The following TTC5 variants were observed in gnomAD, a reference collection of about 807,000 sequenced individuals.
The protein encoded by TTC5 is tetratricopeptide repeat domain 5.
A neutral mutation model predicts 57.4 loss-of-function variants in TTC5; 46 were observed. The ratio of observed to expected loss-of-function variants is 0.80; its 90% CI spans 0.63 to 1.03. The LOEUF is 1.03. Among genes scored for constraint, TTC5 ranks in the 50% least tolerant of loss-of-function variants. TTC5 has a pLI of 0.00. For synonymous variants in TTC5, 190 were observed against 203.5 expected (o/e 0.93, Z 0.57); for missense variants, 504 against 528.1 (o/e 0.95, Z 0.45).
intron 4 of TTC5, 59 bp from the exon 5 acceptor site, chr14:20,298,947 T>C: frequency 2.3e-6 from 3 of 1,301,904 alleles, no homozygotes; most frequent in Non-Finnish European, 3.3e-6. Flanking sequence ...TATGACTTAT[T>C]TTGATCATTC....
At position 20,301,877 on chromosome 14, in the gene TTC5, T is replaced by C. The variant is rs3742945; in HGVS notation, c.140A>G (p.Gln47Arg). The change falls in exon 2 of 10, where the codon CAG becomes CGG. Residue 47 changes from glutamine to arginine, a missense_variant. Coordinates refer to ENST00000258821, the MANE Select transcript of TTC5 (RefSeq NM_138376.3). ...CTGTAGGGTTTTCTCCATCTCCTTC[T>C]GCACATCCTGTTGCTTCCTCCCAGC... ...EDAGRKQQDV[Q>R]KEMEKTLQQM... The C allele has an allele frequency of 0.74, 1,187,734 of 1,613,660 alleles. 438,449 individuals are homozygous for C. Among genetic ancestry groups the C allele is most frequent in the Admixed American group, 0.83 (49,555 of 60,006 alleles).
intron 8 of TTC5, chr14:20,294,017 A>G (rs1052344887): frequency 2.6e-5 from 4 of 152,230 alleles, no homozygotes; most frequent in Admixed American, 1.3e-4. Flanking sequence ...ATCACAGGGC[A>G]AGATGATCTA....
rs1032594738 is a variant in TTC5, at chr14:20,301,821, T to C, written c.184+12A>G. On this transcript the variant is annotated intron_variant, in intron 2 of 9. Transcript: ENST00000258821. Reference sequence around the variant, plus strand: ...TGAAGGATGGGGGTTGTACAATCTCTAGGGCTCATACCCACTACTTCTTCC... The same window carrying C: ...TGAAGGATGGGGGTTGTACAATCTCCAGGGCTCATACCCACTACTTCTTCC... 2.5e-6 allele frequency: 4 copies of C among 1,613,674 alleles called. No individual in the cohort carries two copies. The African/African-American group carries it at 4.0e-5, about 16-fold the overall frequency.
At position 20,298,814 on chromosome 14, in the gene TTC5, T is replaced by A; in HGVS notation, c.622A>T (p.Ser208Cys). The change falls in exon 5 of 10, where the codon AGT (serine) becomes TGT (cysteine). Residue 208 changes from serine (S) to cysteine (C), a missense_variant. Ser to Cys is a moderately radical substitution (Grantham distance 112). Transcript: ENST00000258821. Reference protein sequence around the residue: ...QNPKISQQALSAYAQAEKVDR... With the variant: ...QNPKISQQALCAYAQAEKVDR... ...GTACTTACTGCTTGGGCATAGGCAC[T>A]GAGGGCTTGCTGGGAGATCTTAGGG... is the stretch of plus-strand genomic sequence containing the variant. 1.9e-6 allele frequency: 3 copies of A among 1,613,816 alleles called. No individual in the cohort carries two copies. The highest frequency in any genetic ancestry group is 2.5e-6 in the Non-Finnish European group (3 of 1,179,680).
intron 8 of TTC5, chr14:20,295,065 T>C: frequency 2.0e-6 from 1 of 494,940 alleles, no homozygotes; most frequent in Non-Finnish European, 3.7e-6. Context: ...CAACTATGGA[T>C]ATAGGAATCC....
At chr14:20,300,939 A>G in intron 2 of TTC5, 121 bp from the exon 3 acceptor site, 1 of 769,392 alleles carries the variant, frequency 1.3e-6, no homozygotes, top group Non-Finnish European at 2.1e-6. Context: ...AATATTTATC[A>G]ATAAACCATT....
Position 20,300,671 on chromosome 14 carries a change from T to G in TTC5, c.332A>C (p.Glu111Ala). Residue 111 changes from glutamate to alanine, a missense_variant, in exon 3 of 10, where the codon GAG becomes GCG. By Grantham distance (107) the Glu-to-Ala change is moderately radical. Coordinates refer to ENST00000258821, the MANE Select transcript of TTC5 (RefSeq NM_138376.3). ...ELVEAWNQLGEVYWKKGDVAA... is the reference protein window; with the variant it reads ...ELVEAWNQLGAVYWKKGDVAA... ...AACATCCCCTTTTTTCCAGTACACC[T>G]CACCCAGCTGGTTCCAGGCTTCCAC... The G allele has an allele frequency of 2.5e-6, 4 of 1,614,086 alleles. No individual in the cohort carries two copies. The East Asian group carries it at 8.9e-5, about 36-fold the overall frequency.
chr14:20,303,658 T>C (rs1374715815), intron 1 of TTC5, among the ~76,000 whole-genome samples: 1 of 151,130 alleles, frequency 6.6e-6, no homozygotes, highest in East Asian at 1.9e-4. Flanking sequence ...GTAGTGGGAG[T>C]GATCTTATAA....
In TTC5 at chr14:20,289,944, A is replaced by C. The variant is rs149926308; in HGVS notation, c.1204-198T>G. On this transcript the variant is annotated intron_variant, in intron 9 of 9. Coordinates refer to ENST00000258821, the MANE Select transcript of TTC5 (RefSeq NM_138376.3). The stretch of plus-strand genomic sequence containing the variant: ...AGTTTTCAATCTTCAGAAGGAAAAC[A>C]TGGAGCATGTAAGGTCATGTAGTGC... Among the ~76,000 whole-genome samples, 85 of 152,356 alleles carry C rather than the reference A, an allele frequency of 5.6e-4. 1 individual carries two copies. The highest frequency in any genetic ancestry group is 2.0e-3 in the African/African-American group (84 of 41,592).
chr14:20,289,876 A>G (rs1881919738), intron 9 of TTC5, 130 bp from the exon 10 acceptor site: 2 of 1,007,392 alleles, frequency 2.0e-6, no homozygotes, highest in African/African-American at 1.6e-5. Context: ...TCCATCTCAC[A>G]TCAGACAAAA....
At chr14:20,292,226 G>T in intron 8 of TTC5, 99 bp from the exon 9 acceptor site, 1 of 800,974 alleles carries the variant, frequency 1.2e-6, no homozygotes, top group Non-Finnish European at 1.8e-6. Context: ...GCAAAATACT[G>T]GACTTAAAGT....
chr14:20,303,215 T>C (rs1243182583), intron 1 of TTC5, among the ~76,000 whole-genome samples: 2 of 149,918 alleles, frequency 1.3e-5, no homozygotes, highest in Admixed American at 6.7e-5. Context: ...AAGAGTCTCG[T>C]AGGTTGCCCA....
Position 20,300,630 on chromosome 14 carries a change from A to G in TTC5, c.373T>C (p.Cys125Arg), listed in dbSNP as rs755882154. The change falls in exon 3 of 10, where the codon TGC becomes CGC. Residue 125 changes from cysteine to arginine, a missense_variant. By Grantham distance (180) the Cys-to-Arg change is radical. Transcript: ENST00000258821. ...KKGDVAAAHT[C>R]FSGALTHCRN... ...ACATGGGTGAGGGCTCCTGAGAAGCAGGTGTGGGCAGCTGCAACATCCCCT... is the reference window on the plus strand; with the variant it reads ...ACATGGGTGAGGGCTCCTGAGAAGCGGGTGTGGGCAGCTGCAACATCCCCT... 6.2e-7 allele frequency: 1 copy of G among 1,613,104 alleles called. No homozygotes were observed. The highest frequency in any genetic ancestry group is 8.5e-7 in the Non-Finnish European group (1 of 1,179,930).
chr14:20,291,006 A>G (rs1881941523), intron 9 of TTC5, among the ~76,000 whole-genome samples: 1 of 152,086 alleles, frequency 6.6e-6, no homozygotes, highest in Non-Finnish European at 1.5e-5. Flanking sequence ...ATCACAAAAT[A>G]TTACGCTTCT....
chr14:20,305,272 G>A (rs929559213), intron 1 of TTC5: 6 of 152,196 alleles, frequency 3.9e-5, no homozygotes, highest in African/African-American at 1.2e-4. Context: ...TTCCTGAGGT[G>A]TAAGGAAAAT....
Position 20,291,479 on chromosome 14 carries a change from T to C in TTC5, c.1203+504A>G, listed in dbSNP as rs546479245. Among the ~76,000 whole-genome samples the C allele has an allele frequency of 2.6e-5, 4 of 152,278 alleles. No individual in the cohort carries two copies. In the South Asian group the frequency reaches 6.2e-4, roughly 24 times the overall value. ...TACATTCATAAGGTTTTTTTAAGAATTGAATGGGGCAAGGCAGGTAATAAA... is the reference window on the plus strand; with the variant it reads ...TACATTCATAAGGTTTTTTTAAGAACTGAATGGGGCAAGGCAGGTAATAAA... On this transcript the variant is annotated intron_variant, in intron 9 of 9. Transcript: ENST00000258821.
chr14:20,288,876 G>A lies in TTC5; in HGVS notation c.*751C>T, dbSNP rs1000414367. 8 of 152,196 alleles carry A rather than the reference G, an allele frequency of 5.3e-5. No individual in the cohort carries two copies. The highest frequency in any genetic ancestry group is 1.0e-4 in the Non-Finnish European group (7 of 68,036). The allele number at this position is 152,196 out of a possible 1,614,324, so 9.4% of individuals were successfully genotyped here. A position where few individuals can be genotyped will look rare whatever the true frequency, so the allele number is the denominator to read the frequency against. On this transcript the variant is annotated 3_prime_UTR_variant, in exon 10 of 10. Transcript: ENST00000258821. The stretch of plus-strand genomic sequence containing the variant: ...AACACTATTAGAACAGTATTGCTCT[G>A]TCATCTTGGACCATAGTGAAGACCA...
chr14:20,292,188 G>A, intron 8 of TTC5, 61 bp from the exon 9 acceptor site: 1 of 1,290,812 alleles, frequency 7.7e-7, no homozygotes, highest in Non-Finnish European at 1.0e-6. Context: ...TAGGAAAGAA[G>A]AGCAGAAACA....
chr14:20,304,031 T>A (rs61274376), intron 1 of TTC5, among the ~76,000 whole-genome samples: 2,119 of 152,322 alleles, frequency 0.014, 57 homozygotes, highest in African/African-American at 0.049. Context: ...TACTGTTATA[T>A]CATACTCTTA....
Sources: gnomAD v4.1 joint callset for allele counts (sites outside exome capture counted in the v4.1 genomes callset) on GRCh38, gnomAD v4.1.1 for gene constraint, MANE v1.5 for transcripts, NCBI Gene and HGNC (gene_info 2026-07-23, HGNC 2026-07-21) for gene names.